The following ANAPC10 variants were observed in gnomAD, a reference collection of about 807,000 sequenced individuals.
ANAPC10 encodes the protein anaphase promoting complex subunit 10, also known as anaphase-promoting complex subunit 10.
ANAPC10 carries 12 observed loss-of-function variants against 22.0 expected under a neutral mutation model. The ratio of observed to expected loss-of-function variants is 0.55; its 90% confidence interval spans 0.35 to 0.88. The LOEUF (loss-of-function observed/expected upper bound fraction) is 0.88, where lower values mean the gene tolerates loss of function less well. Among genes scored for constraint, ANAPC10 ranks in the 40% least tolerant of loss-of-function variants. The probability of loss-of-function intolerance (pLI) is 0.01; values close to 1 mark genes in which losing one functional copy is unlikely to be tolerated. For synonymous variants in ANAPC10, 65 were observed against 69.5 expected (o/e 0.94, Z 0.32); for missense variants, 188 against 220.9 (o/e 0.85, Z 0.94).
chr4:145,050,500 TC>T (rs1306010793), intron 4 of ANAPC10, among the ~76,000 whole-genome samples: 2 of 152,224 alleles, frequency 1.3e-5, no homozygotes, highest in Non-Finnish European at 2.9e-5. Flanking sequence ...AGCCAGCCTG[TC>T]CTGTGAAGCT....
At chr4:145,034,575 G>GTATA (rs3028860) in intron 4 of ANAPC10, among the ~76,000 whole-genome samples, 28 of 125,618 alleles carry the variant, frequency 2.2e-4, no homozygotes, top group African/African-American at 7.8e-4. Context: ...GTGTGTGTGT[G>GTATA]TATATATCCC....
intron 4 of ANAPC10, among the ~76,000 whole-genome samples, chr4:145,056,407 T>C (rs1486033104): frequency 6.6e-6 from 1 of 152,128 alleles, no homozygotes; most frequent in Non-Finnish European, 1.5e-5. Flanking sequence ...CATCAAGAAA[T>C]AACCATAAAG....
chr4:145,018,919 A>G (rs1344624435), intron 4 of ANAPC10, among the ~76,000 whole-genome samples: 1 of 152,232 alleles, frequency 6.6e-6, no homozygotes, highest in Non-Finnish European at 1.5e-5. Context: ...ACATATATGC[A>G]CATAACACTG....
At chr4:145,021,218 A>G (rs1423662364) in intron 4 of ANAPC10, among the ~76,000 whole-genome samples, 2 of 152,212 alleles carry the variant, frequency 1.3e-5, no homozygotes, top group African/African-American at 4.8e-5. Context: ...CACATAGCCA[A>G]TGCAAGACTA....
chr4:145,021,861 T>C (rs1735998287), intron 4 of ANAPC10, among the ~76,000 whole-genome samples: 1 of 152,016 alleles, frequency 6.6e-6, no homozygotes, highest in African/African-American at 2.4e-5. Context: ...GCTAAGGACA[T>C]GAATAGACAA....
intron 4 of ANAPC10, among the ~76,000 whole-genome samples, chr4:145,004,449 G>A (rs143197390): frequency 1.1e-3 from 175 of 152,252 alleles, no homozygotes; most frequent in African/African-American, 3.9e-3. Context: ...TCCAGCTTTT[G>A]CCCATTCAGT....
intron 3 of ANAPC10, among the ~76,000 whole-genome samples, chr4:145,065,527 C>G (rs1319296312): frequency 6.6e-6 from 1 of 151,948 alleles, no homozygotes; most frequent in Non-Finnish European, 1.5e-5. Flanking sequence ...TACAGTAACA[C>G]AATCACTCAA....
At chr4:145,057,588 CA>C (rs2126402095) in intron 4 of ANAPC10, among the ~76,000 whole-genome samples, 1 of 152,260 alleles carries the variant, frequency 6.6e-6, no homozygotes, top group African/African-American at 2.4e-5. Flanking sequence ...ATCTCTAACC[CA>C]GACTTCTTTC....
chr4:145,061,492 A>G (rs1386521835), intron 4 of ANAPC10, among the ~76,000 whole-genome samples: 1 of 152,212 alleles, frequency 6.6e-6, no homozygotes, highest in Admixed American at 6.5e-5. Context: ...AACTTAGTAC[A>G]AATAGGCTAC....
At chr4:145,078,124 C>T (rs1745449776) in intron 3 of ANAPC10, among the ~76,000 whole-genome samples, 1 of 152,108 alleles carries the variant, frequency 6.6e-6, no homozygotes, top group Non-Finnish European at 1.5e-5. Context: ...TAGAAAACCC[C>T]ATAGTCTCTG....
intron 3 of ANAPC10, among the ~76,000 whole-genome samples, chr4:145,065,394 T>TA (rs1560900628): frequency 6.6e-6 from 1 of 152,060 alleles, no homozygotes; most frequent in Admixed American, 6.6e-5. Flanking sequence ...TTTATCATCA[T>TA]ATTGGAAAAT....
At chr4:145,003,648 T>G (rs964775205) in intron 4 of ANAPC10, among the ~76,000 whole-genome samples, 2 of 152,244 alleles carry the variant, frequency 1.3e-5, no homozygotes, top group Non-Finnish European at 2.9e-5. Context: ...ATCAGATGGT[T>G]GCAGGTGTGC....
intron 4 of ANAPC10, among the ~76,000 whole-genome samples, chr4:144,998,859 T>C (rs966516713): frequency 1.3e-5 from 2 of 152,022 alleles, no homozygotes; most frequent in Admixed American, 1.3e-4. Context: ...ACAAAATTGA[T>C]AGACCGCTAG....
rs556949907 is a variant in ANAPC10 at position 145,066,788 on chromosome 4, C to A, written c.207-2096G>T. On this transcript the variant is annotated intron_variant, in intron 3 of 4. Coordinates refer to ENST00000507656, the MANE Select transcript of ANAPC10 (RefSeq NM_001256706.2). Reference sequence around the variant, plus strand: ...TCATTTTTCTGATTTAAAAAAAAAACATAACACTTAGGTTAATAACTGGCT... The same window carrying A: ...TCATTTTTCTGATTTAAAAAAAAAAAATAACACTTAGGTTAATAACTGGCT... Among the ~76,000 whole-genome samples, 31 of 135,918 alleles carry A rather than the reference C, an allele frequency of 2.3e-4. No homozygotes were observed. In the East Asian group the frequency reaches 4.3e-3, roughly 19 times the overall value. 89.2% of individuals were successfully genotyped at this position (135,918 alleles called of 152,430 possible). A position where few individuals can be genotyped will look rare whatever the true frequency, so the allele number is the denominator to read the frequency against.
At chr4:145,087,357 GT>G (rs200552388) in intron 2 of ANAPC10, among the ~76,000 whole-genome samples, 1 of 151,956 alleles carries the variant, frequency 6.6e-6, no homozygotes, top group African/African-American at 2.4e-5. Context: ...CTAAGGGGCT[GT>G]TTTTTTCTTT....
At chr4:145,054,186 C>T (rs1376063280) in intron 4 of ANAPC10, among the ~76,000 whole-genome samples, 2 of 150,916 alleles carry the variant, frequency 1.3e-5, no homozygotes, top group African/African-American at 4.9e-5. Context: ...GTATTACAGG[C>T]CTGAGCCACC....
At chr4:145,043,405 G>A (rs1420576814) in intron 4 of ANAPC10, among the ~76,000 whole-genome samples, 1 of 151,802 alleles carries the variant, frequency 6.6e-6, no homozygotes, top group Non-Finnish European at 1.5e-5. Context: ...CACTAGTCTT[G>A]GTTCACATGA....
At chr4:145,032,903 T>C (rs923931936) in intron 4 of ANAPC10, 5 of 152,274 alleles carry the variant, frequency 3.3e-5, no homozygotes. Flanking sequence ...CTGCATGCAA[T>C]GCTTCTGCCA....
chr4:145,015,692 G>C (rs1406575938), intron 4 of ANAPC10, among the ~76,000 whole-genome samples: 4 of 152,118 alleles, frequency 2.6e-5, no homozygotes, highest in Non-Finnish European at 5.9e-5. Context: ...TGAGACAAAA[G>C]TACCAGGTAA....
Sources: allele counts gnomAD v4.1 joint callset (sites outside exome capture counted in the v4.1 genomes callset), GRCh38; gene constraint gnomAD v4.1.1; transcripts MANE v1.5; gene names NCBI Gene and HGNC (gene_info 2026-07-23, HGNC 2026-07-21).